The following VPS37A variants were observed in gnomAD, a reference collection of about 807,000 sequenced individuals.
VPS37A encodes VPS37A subunit of ESCRT-I.
In VPS37A, 30 loss-of-function variants were observed where a neutral mutation model predicts 49.8. The observed-to-expected ratio is 0.60, with a 90% confidence interval of 0.45 to 0.82. The LOEUF is 0.82. Ranked by LOEUF, VPS37A falls within the 40% of genes least tolerant of loss-of-function variation. The probability of loss-of-function intolerance (pLI) is 0.00; values close to 1 mark genes in which losing one functional copy is unlikely to be tolerated. For missense variants in VPS37A, 593 were observed against 464.4 expected, an observed-to-expected ratio of 1.28 and a Z score of -2.55; for synonymous variants, 195 against 160.6, an observed-to-expected ratio of 1.21 and a Z score of -1.62.
chr8:17,318,318 G>A, the VPS37A span, among the ~76,000 whole-genome samples: 2 of 152,070 alleles, frequency 1.3e-5, no homozygotes, highest in African/African-American at 2.4e-5. Context: ...CGCTTCCACA[G>A]TTCTGTGGAG....
chr8:17,309,188 A>T, the VPS37A span: 1 of 897,478 alleles, frequency 1.1e-6, no homozygotes, highest in Non-Finnish European at 1.8e-6. Flanking sequence ...CTCAAAAAAC[A>T]AGACGATTTT....
the VPS37A span, among the ~76,000 whole-genome samples, chr8:17,314,590 G>A: frequency 6.6e-6 from 1 of 152,156 alleles, no homozygotes; most frequent in Non-Finnish European, 1.5e-5. Context: ...AGGATTCACT[G>A]TGATTTCCTG....
At chr8:17,264,709 A>G (rs6988303) in intron 1 of VPS37A, among the ~76,000 whole-genome samples, 41,108 of 152,084 alleles carry the variant, frequency 0.27, 6,841 homozygotes, top group East Asian at 0.6. Flanking sequence ...AAAGCAAATC[A>G]TTAGTCATAA....
chr8:17,315,776 C>CCAAGT, the VPS37A span, among the ~76,000 whole-genome samples: 1 of 151,996 alleles, frequency 6.6e-6, no homozygotes, highest in African/African-American at 2.4e-5. Flanking sequence ...CTTTGAGAGG[C>CCAAGT]CAAGTCAGAA....
chr8:17,307,066 G>A (rs1263273214), downstream of VPS37A, among the ~76,000 whole-genome samples: 3 of 152,150 alleles, frequency 2.0e-5, no homozygotes, highest in Non-Finnish European at 4.4e-5. Flanking sequence ...AAGAGCTTCT[G>A]CACAGCAGAA....
the VPS37A span, among the ~76,000 whole-genome samples, chr8:17,319,228 G>C: frequency 1.3e-5 from 2 of 152,292 alleles, no homozygotes; most frequent in South Asian, 2.1e-4. Context: ...TAGTTACTGA[G>C]CCTCGCTGTC....
chr8:17,309,758 A>C, the VPS37A span, among the ~76,000 whole-genome samples: 1 of 152,096 alleles, frequency 6.6e-6, no homozygotes. Context: ...CCCTATCTCA[A>C]CCAATGTGTG....
At chr8:17,314,078 A>G in the VPS37A span, among the ~76,000 whole-genome samples, 1 of 152,202 alleles carries the variant, frequency 6.6e-6, no homozygotes, top group Non-Finnish European at 1.5e-5. Flanking sequence ...CAGGTGTATA[A>G]ACACCTCTAT....
downstream of VPS37A, among the ~76,000 whole-genome samples, chr8:17,300,692 C>T (rs906883420): frequency 1.2e-4 from 18 of 152,172 alleles, no homozygotes; most frequent in South Asian, 6.2e-4. Flanking sequence ...GGTTGTGCAA[C>T]GATCACTACT....
At chr8:17,251,727 A>G (rs144472410) in intron 1 of VPS37A, among the ~76,000 whole-genome samples, 2 of 152,250 alleles carry the variant, frequency 1.3e-5, no homozygotes, top group African/African-American at 4.8e-5. Flanking sequence ...TTGTTACTGT[A>G]TTTTGTTCTT....
intron 1 of VPS37A, among the ~76,000 whole-genome samples, chr8:17,253,007 C>A (rs933574476): frequency 2.6e-5 from 4 of 152,046 alleles, no homozygotes; most frequent in African/African-American, 9.7e-5. Flanking sequence ...GTGATTAAGA[C>A]GTATAATTGC....
the VPS37A span, among the ~76,000 whole-genome samples, chr8:17,309,586 C>T: frequency 7.9e-5 from 12 of 152,282 alleles, no homozygotes; most frequent in South Asian, 2.5e-3. Flanking sequence ...TTCCTATGTG[C>T]CAGGCACTGT....
chr8:17,299,971 G>C (rs779089411), downstream of VPS37A: 1 of 1,614,090 alleles, frequency 6.2e-7, no homozygotes, highest in Non-Finnish European at 8.5e-7. Context: ...CTCCACCCCG[G>C]ACTCTTGGTC....
chr8:17,278,287 C>T (rs1814714780), intron 6 of VPS37A, among the ~76,000 whole-genome samples: 1 of 152,024 alleles, frequency 6.6e-6, no homozygotes, highest in Admixed American at 6.6e-5. Context: ...CATTGACCAT[C>T]ATTAATATAG....
At chr8:17,330,088 CTG>C in the VPS37A span, among the ~76,000 whole-genome samples, 1 of 152,202 alleles carries the variant, frequency 6.6e-6, no homozygotes, top group Non-Finnish European at 1.5e-5. Flanking sequence ...TTCATAATGA[CTG>C]AGATGAACCA....
At chr8:17,287,401 G>A (rs113372744) in intron 11 of VPS37A, among the ~76,000 whole-genome samples, 11,655 of 152,028 alleles carry the variant, frequency 0.077, 788 homozygotes, top group African/African-American at 0.18. Flanking sequence ...CTGGCCGAGC[G>A]CAGTGGCTCA....
At chr8:17,309,997 T>C in the VPS37A span, among the ~76,000 whole-genome samples, 1 of 152,122 alleles carries the variant, frequency 6.6e-6, no homozygotes. Flanking sequence ...TTATATTGTT[T>C]TATATTTTAA....
At chr8:17,284,405 C>T (rs1348008623) in intron 9 of VPS37A, 68 bp from the exon 10 acceptor site, 3 of 1,499,096 alleles carry the variant, frequency 2.0e-6, no homozygotes, top group South Asian at 1.4e-5. Flanking sequence ...CACTACCTTA[C>T]TTCCTTTCCC....
chr8:17,253,327 C>G (rs537516441), intron 1 of VPS37A, among the ~76,000 whole-genome samples: 2 of 152,308 alleles, frequency 1.3e-5, no homozygotes, highest in South Asian at 4.1e-4. Flanking sequence ...GCCTTTTTCC[C>G]TCTGCCTTTT....
Sources: allele counts gnomAD v4.1 joint callset (sites outside exome capture counted in the v4.1 genomes callset), GRCh38; gene constraint gnomAD v4.1.1; transcripts MANE v1.5; gene names NCBI Gene and HGNC (gene_info 2026-07-23, HGNC 2026-07-21).